The following PDE3A variants were observed in gnomAD, a reference collection of about 807,000 sequenced individuals.
PDE3A encodes the protein phosphodiesterase 3A, also known as cGMP-inhibited 3',5'-cyclic phosphodiesterase 3A.
A neutral mutation model predicts 98.3 loss-of-function variants in PDE3A; 43 were observed. The observed-to-expected ratio is 0.44, with a 90% CI of 0.34 to 0.56. PDE3A has a LOEUF of 0.56. PDE3A is among the 20% of genes least tolerant of loss of function. PDE3A has a pLI of 0.01. For synonymous variants in PDE3A, 663 were observed against 567.9 expected (o/e 1.17, Z -2.38); for missense variants, 1,427 against 1,440.7 (o/e 0.99, Z 0.15).
chr12:20,402,876 AAT>A (rs1435783572), intron 1 of PDE3A, among the ~76,000 whole-genome samples: 1 of 152,162 alleles, frequency 6.6e-6, no homozygotes, highest in Non-Finnish European at 1.5e-5. Flanking sequence ...AATGCATTAT[AAT>A]GGGTCTGCTT....
At chr12:20,456,397 G>T (rs1485328338) in intron 1 of PDE3A, among the ~76,000 whole-genome samples, 1 of 152,100 alleles carries the variant, frequency 6.6e-6, no homozygotes, top group Non-Finnish European at 1.5e-5. Context: ...AATAAAACAA[G>T]TATTAGTGTT....
At chr12:20,539,339 C>T (rs1392174258) in intron 1 of PDE3A, among the ~76,000 whole-genome samples, 1 of 151,882 alleles carries the variant, frequency 6.6e-6, no homozygotes, top group Non-Finnish European at 1.5e-5. Flanking sequence ...TACATTGAAC[C>T]ATCAGAAAGC....
At chr12:20,398,201 G>A (rs940318459) in intron 1 of PDE3A, among the ~76,000 whole-genome samples, 1 of 151,376 alleles carries the variant, frequency 6.6e-6, no homozygotes, top group African/African-American at 2.4e-5. Context: ...CTTATTGGCG[G>A]GAAAAAGAAG....
At chr12:20,385,627 A>C (rs1317138120) in intron 1 of PDE3A, among the ~76,000 whole-genome samples, 1 of 151,848 alleles carries the variant, frequency 6.6e-6, no homozygotes, top group East Asian at 1.9e-4. Context: ...TGATGAGTTC[A>C]TATCCTTTGT....
In PDE3A at chr12:20,439,633, G is replaced by A. The variant is rs369121803; in HGVS notation, c.960+69389G>A. Among the ~76,000 whole-genome samples the A allele has an allele frequency of 7.9e-5, 12 of 152,260 alleles. No individual in the cohort carries two copies. In the East Asian group the frequency reaches 1.9e-3, roughly 24 times the overall value. On this transcript the variant is annotated intron_variant, in intron 1 of 15. Coordinates refer to ENST00000359062, the MANE Select transcript of PDE3A (RefSeq NM_000921.5). Reference sequence around the variant, plus strand: ...CATGCTGCGAGCAAAATGGGTGTCTGCTAAGTTTTTATTTTAAAATGCATA... The same window carrying A: ...CATGCTGCGAGCAAAATGGGTGTCTACTAAGTTTTTATTTTAAAATGCATA...
chr12:20,557,215 T>A (rs977482213), intron 2 of PDE3A: 1 of 156,376 alleles, frequency 6.4e-6, no homozygotes, highest in Non-Finnish European at 1.4e-5. Context: ...CTTTCTATAT[T>A]ACCAGAGTGT....
intron 1 of PDE3A, among the ~76,000 whole-genome samples, chr12:20,471,046 A>C (rs1283839117): frequency 1.3e-5 from 2 of 152,104 alleles, no homozygotes; most frequent in Non-Finnish European, 2.9e-5. Context: ...CTTGGATTTC[A>C]AGTCTCCAGA....
intron 1 of PDE3A, among the ~76,000 whole-genome samples, chr12:20,435,385 A>G (rs1248318063): frequency 6.6e-6 from 1 of 152,214 alleles, no homozygotes; most frequent in Non-Finnish European, 1.5e-5. Context: ...CCAGATTTAA[A>G]AAAAAATCAT....
At chr12:20,602,680 C>G (rs886370471) in intron 2 of PDE3A, among the ~76,000 whole-genome samples, 2 of 152,106 alleles carry the variant, frequency 1.3e-5, no homozygotes, top group East Asian at 1.9e-4. Flanking sequence ...GGTTTTCCTC[C>G]TACTGTACAT....
intron 2 of PDE3A, among the ~76,000 whole-genome samples, chr12:20,581,183 A>G (rs901191578): frequency 2.0e-5 from 3 of 152,220 alleles, no homozygotes; most frequent in African/African-American, 7.2e-5. Context: ...ATAAAGGCAA[A>G]CCAGAAATGG....
rs1160440469 is a variant in PDE3A, at chr12:20,688,041, G to A, written c.*7770G>A. Among the ~76,000 whole-genome samples the A allele has an allele frequency of 2.7e-5, 4 of 150,938 alleles. No homozygotes were observed. The highest frequency in any genetic ancestry group is 4.4e-5 in the Non-Finnish European group (3 of 67,812). On this transcript the variant is annotated 3_prime_UTR_variant, in exon 16 of 16. Coordinates refer to ENST00000359062, the MANE Select transcript of PDE3A (RefSeq NM_000921.5). ...TAACTAAATTTACTGTTTCTGAAAA[G>A]CAATATTTTCAAATAACTGCCAACC...
At chr12:20,497,865 T>C (rs535668073) in intron 1 of PDE3A, among the ~76,000 whole-genome samples, 1 of 152,282 alleles carries the variant, frequency 6.6e-6, no homozygotes, top group African/African-American at 2.4e-5. Context: ...TGTTCAATTG[T>C]GTTAGTATAC....
chr12:20,646,419 G>A, intron 10 of PDE3A, 71 bp from the exon 11 acceptor site: 1 of 846,924 alleles, frequency 1.2e-6, no homozygotes, highest in Non-Finnish European at 2.1e-6. Context: ...TGTTTGTCCA[G>A]TAGATGGCAC....
At position 20,650,574 on chromosome 12, in the gene PDE3A, G is replaced by A; in HGVS notation, c.2899G>A (p.Gly967Ser). ...CKELHLQWTD[G>S]IVNEFYEQGD... ...AGAACTCCATCTTCAGTGGACAGAT[G>A]GTATTGTCAATGAATTTTATGAACA... Residue 967 changes from glycine (G) to serine (S), a missense_variant, in exon 14 of 16, where the codon GGT becomes AGT. Physicochemically the swap from Gly to Ser is moderately conservative, Grantham distance 56. Coordinates refer to ENST00000359062, the MANE Select transcript of PDE3A (RefSeq NM_000921.5). 6.2e-7 allele frequency: 1 copy of A among 1,610,856 alleles called. No homozygotes were observed. The highest frequency in any genetic ancestry group is 1.1e-5 in the South Asian group (1 of 90,828).
intron 1 of PDE3A, among the ~76,000 whole-genome samples, chr12:20,498,079 A>C (rs573282958): frequency 1.7e-4 from 26 of 152,324 alleles, no homozygotes; most frequent in African/African-American, 6.0e-4. Context: ...ACTGGTTAGA[A>C]AAATTATCAA....
intron 1 of PDE3A, among the ~76,000 whole-genome samples, chr12:20,448,373 G>T (rs948115347): frequency 6.6e-6 from 1 of 152,086 alleles, no homozygotes; most frequent in Non-Finnish European, 1.5e-5. Flanking sequence ...CCCGGGAGGC[G>T]GCAGTTGCTG....
At chr12:20,377,603 G>T (rs1482057537) in intron 1 of PDE3A, among the ~76,000 whole-genome samples, 1 of 151,678 alleles carries the variant, frequency 6.6e-6, no homozygotes, top group Non-Finnish European at 1.5e-5. Flanking sequence ...AGTCTTTGTA[G>T]ATTTAATAAC....
intron 1 of PDE3A, among the ~76,000 whole-genome samples, chr12:20,407,292 A>G (rs901050562): frequency 2.0e-5 from 3 of 152,256 alleles, no homozygotes; most frequent in Admixed American, 1.3e-4. Flanking sequence ...TGCCAAACAT[A>G]TAGCAGGTAC....
chr12:20,373,159 TAA>T (rs969839749), intron 1 of PDE3A, among the ~76,000 whole-genome samples: 7 of 152,256 alleles, frequency 4.6e-5, no homozygotes, highest in Middle Eastern at 3.4e-3. Flanking sequence ...TAAAGAACTA[TAA>T]AGTTTGTTTA....
Sources: gnomAD v4.1 joint callset for allele counts (sites outside exome capture counted in the v4.1 genomes callset) on GRCh38, gnomAD v4.1.1 for gene constraint, MANE v1.5 for transcripts, NCBI Gene and HGNC (gene_info 2026-07-23, HGNC 2026-07-21) for gene names.